The following LMTK2 variants were observed in gnomAD, a reference collection of about 807,000 sequenced individuals.
LMTK2 encodes the protein serine/threonine-protein kinase LMTK2.
LMTK2 carries 37 observed loss-of-function variants against 127.5 expected under a neutral mutation model. The observed-to-expected ratio is 0.29, with a 90% CI of 0.22 to 0.38. LMTK2 has a LOEUF of 0.38. Among genes scored for constraint, LMTK2 ranks in the 10% least tolerant of loss-of-function variants. The pLI is 1.00. For synonymous variants in LMTK2, 819 were observed against 810.1 expected (o/e 1.01, Z -0.19); for missense variants, 1,694 against 1,920.3 (o/e 0.88, Z 2.20).
At chr7:98,157,922 A>G (rs1449005679) in intron 5 of LMTK2, among the ~76,000 whole-genome samples, 1 of 152,176 alleles carries the variant, frequency 6.6e-6, no homozygotes, top group African/African-American at 2.4e-5. Context: ...CAGACCTGGC[A>G]TGGAGCCCTG....
chr7:98,133,696 TAGGTGCCCTGC>T (rs1796556986), intron 1 of LMTK2, among the ~76,000 whole-genome samples: 1 of 151,862 alleles, frequency 6.6e-6, no homozygotes. Context: ...TAAGGGAGAG[TAGGTGCCCTGC>T]AGACCCTAGC....
chr7:98,161,514 G>A (rs998899200), intron 6 of LMTK2, among the ~76,000 whole-genome samples: 3 of 152,068 alleles, frequency 2.0e-5, no homozygotes, highest in Non-Finnish European at 2.9e-5. Flanking sequence ...CCTCCAGGTC[G>A]CCCAGTGAGA....
At chr7:98,111,260 T>C (rs1038586294) in intron 1 of LMTK2, among the ~76,000 whole-genome samples, 24 of 152,240 alleles carry the variant, frequency 1.6e-4, no homozygotes, top group Admixed American at 1.5e-3. Context: ...TTGGGCCCTC[T>C]CTGGCCCCTG....
intron 11 of LMTK2, among the ~76,000 whole-genome samples, chr7:98,197,815 C>T (rs1405902539): frequency 2.6e-5 from 4 of 152,172 alleles, no homozygotes; most frequent in African/African-American, 4.8e-5. Context: ...GCACTGCAGC[C>T]GGGATGGCAG....
intron 1 of LMTK2, among the ~76,000 whole-genome samples, chr7:98,107,570 C>T (rs1043807148): frequency 6.6e-6 from 1 of 152,232 alleles, no homozygotes; most frequent in African/African-American, 2.4e-5. Context: ...TTAAGATCCT[C>T]AGCTTATATC....
intron 7 of LMTK2, among the ~76,000 whole-genome samples, chr7:98,184,389 A>G (rs1465517047): frequency 2.0e-5 from 3 of 151,952 alleles, no homozygotes; most frequent in African/African-American, 7.3e-5. Flanking sequence ...AGACAGTTTA[A>G]CAACCACCTG....
chr7:98,152,027 G>T (rs1243042839), intron 4 of LMTK2, among the ~76,000 whole-genome samples: 3 of 152,162 alleles, frequency 2.0e-5, no homozygotes, highest in African/African-American at 7.2e-5. Context: ...ACATAAGAAA[G>T]TAAGAAGGGA....
chr7:98,164,711 G>A lies in LMTK2; in HGVS notation c.657+5286G>A, dbSNP rs538501928. On this transcript the variant is annotated intron_variant, in intron 6 of 13. Coordinates refer to ENST00000297293, the MANE Select transcript of LMTK2 (RefSeq NM_014916.4). ...ACAGGGGATGCTGTGCCCTGGTGGCGAGGCCAGCTGGGTCTGTTGGGAAGG... is the reference window on the plus strand; with the variant it reads ...ACAGGGGATGCTGTGCCCTGGTGGCAAGGCCAGCTGGGTCTGTTGGGAAGG... Among the ~76,000 whole-genome samples the A allele has an allele frequency of 5.1e-4, 78 of 152,274 alleles. 1 individual carries two copies. The highest frequency in any genetic ancestry group is 1.8e-3 in the African/African-American group (74 of 41,558).
rs562072263 is a variant in LMTK2 at position 98,168,473 on chromosome 7, G to A, written c.658-3068G>A. ...TCATTAGCAGAAGCGGGGGTGTTGCGCTGTCTATATCATTCTTTCATCCTT... is the reference window on the plus strand; with the variant it reads ...TCATTAGCAGAAGCGGGGGTGTTGCACTGTCTATATCATTCTTTCATCCTT... On this transcript the variant is annotated intron_variant, in intron 6 of 13. Transcript: ENST00000297293. 1.2e-4 allele frequency among the ~76,000 whole-genome samples: 18 copies of A among 152,314 alleles called. No homozygotes were observed. In the East Asian group the frequency reaches 2.3e-3, roughly 20 times the overall value.
At position 98,191,960 on chromosome 7, in the gene LMTK2, T is replaced by C. The variant is rs1159770686; in HGVS notation, c.1495T>C (p.Ser499Pro). The C allele has an allele frequency of 3.7e-6, 6 of 1,613,898 alleles. No individual in the cohort carries two copies. The highest frequency in any genetic ancestry group is 1.6e-4 in the Middle Eastern group (1 of 6,082). ...CCGGGGCCACCTGGACGAAGGCTTG[T>C]CCTACACGAGCATCTTCTATCCGGT... The part of the protein sequence containing the change: ...RSRGHLDEGL[S>P]YTSIFYPVEV... The change falls in exon 11 of 14, where the codon TCC becomes CCC. Residue 499 changes from serine (S) to proline (P), a missense_variant. Physicochemically the swap from Ser to Pro is moderately conservative, Grantham distance 74. This residue lies in a region of LMTK2 where 216 missense variants were observed against 266.8 expected (regional missense o/e 0.81). Coordinates refer to ENST00000297293, the MANE Select transcript of LMTK2 (RefSeq NM_014916.4).
chr7:98,186,799 A>T, intron 8 of LMTK2, 78 bp from the exon 9 acceptor site: 1 of 1,326,310 alleles, frequency 7.5e-7, no homozygotes, highest in Non-Finnish European at 1.0e-6. Flanking sequence ...GTTTTCTGAG[A>T]ATACCATGGA....
intron 7 of LMTK2, among the ~76,000 whole-genome samples, chr7:98,184,134 G>T (rs1023147261): frequency 6.6e-6 from 1 of 152,180 alleles, no homozygotes. Context: ...TTCAACCCTT[G>T]ACTTGGGGTT....
intron 3 of LMTK2, among the ~76,000 whole-genome samples, chr7:98,142,379 T>A (rs1796711781): frequency 6.6e-6 from 1 of 152,168 alleles, no homozygotes; most frequent in African/African-American, 2.4e-5. Flanking sequence ...ATTTAAATAT[T>A]TGTAAAGTAA....
intron 3 of LMTK2, among the ~76,000 whole-genome samples, chr7:98,144,752 T>G (rs1368122245): frequency 6.6e-6 from 1 of 152,012 alleles, no homozygotes; most frequent in Non-Finnish European, 1.5e-5. Context: ...CCTCCTTTTT[T>G]TTTTTTTTTA....
rs1447356770 is a variant in LMTK2 at position 98,163,698 on chromosome 7, TC to T, written c.657+4276del. Among the ~76,000 whole-genome samples the T allele has an allele frequency of 3.9e-5, 6 of 152,254 alleles. No individual in the cohort carries two copies. The East Asian group carries it at 1.2e-3, about 29-fold the overall frequency. On this transcript the variant is annotated intron_variant, in intron 6 of 13. Transcript: ENST00000297293. ...ATCTACTTGAAGGGACCGAGGGTTG[TC>T]CCATGGGACACACCAAAGTGTCTCT...
Position 98,171,491 on chromosome 7 carries a change from A to C in LMTK2, c.658-50A>C. The C allele has an allele frequency of 1.2e-6, 2 of 1,613,522 alleles. No homozygotes were observed. Among genetic ancestry groups the C allele is most frequent in the Non-Finnish European group, 1.7e-6 (2 of 1,179,574 alleles). On this transcript the variant is annotated intron_variant, in intron 6 of 13. Coordinates refer to ENST00000297293, the MANE Select transcript of LMTK2 (RefSeq NM_014916.4). This position sits in a 1 kb window ranked among gnomAD's most constrained non-coding sequence, Gnocchi z 5.1. The stretch of plus-strand genomic sequence containing the variant: ...CACCGAGGCACGTATTTAAGCGCTC[A>C]CTTTATTCCTGTGGCTCGTTTGGAA...
chr7:98,123,704 T>TACAC (rs143477267), intron 1 of LMTK2, among the ~76,000 whole-genome samples: 16 of 150,520 alleles, frequency 1.1e-4, no homozygotes, highest in African/African-American at 2.7e-4. Flanking sequence ...TTTTCATATA[T>TACAC]ACACACACAC....
intron 1 of LMTK2, among the ~76,000 whole-genome samples, chr7:98,107,994 A>T (rs2116306970): frequency 6.6e-6 from 1 of 152,210 alleles, no homozygotes. Flanking sequence ...CCTAAATAAA[A>T]CTTCAACCCA....
At chr7:98,182,797 C>T (rs1412410917) in intron 7 of LMTK2, among the ~76,000 whole-genome samples, 2 of 152,140 alleles carry the variant, frequency 1.3e-5, no homozygotes, top group Non-Finnish European at 2.9e-5. Context: ...ATGTTCATAC[C>T]AGCATCATTC....
Sources: gnomAD v4.1 joint callset for allele counts (sites outside exome capture counted in the v4.1 genomes callset) on GRCh38, gnomAD v4.1.1 for gene constraint, gnomAD v4.1.1 regional missense constraint, Gnocchi (gnomAD v3.1) non-coding constraint, MANE v1.5 for transcripts, NCBI Gene and HGNC (gene_info 2026-07-23, HGNC 2026-07-21) for gene names.